Variants in NAA60 observed in about 807,000 individuals in gnomAD.
NAA60 encodes N-alpha-acetyltransferase 60.
A neutral mutation model predicts 26.1 loss-of-function variants in NAA60; 8 were observed. The observed-to-expected ratio is 0.31, with a 90% CI of 0.18 to 0.55. NAA60 has a LOEUF of 0.55. Ranked by LOEUF, NAA60 falls within the 20% of genes least tolerant of loss-of-function variation. NAA60 has a pLI of 0.93. For synonymous variants in NAA60, 131 were observed against 122.5 expected, an observed-to-expected ratio of 1.07 and a Z score of -0.46; for missense variants, 290 against 311.3, an observed-to-expected ratio of 0.93 and a Z score of 0.51.
intron 2 of NAA60, among the ~76,000 whole-genome samples, chr16:3,450,574 C>T (rs1383087254): frequency 6.6e-6 from 1 of 151,974 alleles, no homozygotes; most frequent in Non-Finnish European, 1.5e-5. Flanking sequence ...GTGGTGGGCA[C>T]CTGTGGTCCC....
chr16:3,472,239 C>G (rs1163260352), intron 2 of NAA60: 3 of 152,184 alleles, frequency 2.0e-5, no homozygotes, highest in Non-Finnish European at 4.4e-5. Flanking sequence ...CCCAGGGATA[C>G]AAGATCCCGT....
At chr16:3,447,746 C>A in intron 1 of NAA60, 2 of 476,556 alleles carry the variant, frequency 4.2e-6, no homozygotes, top group Non-Finnish European at 5.5e-6. Context: ...ACAATGGCTG[C>A]AAGTCATGCC....
chr16:3,461,595 C>T (rs541480553), intron 2 of NAA60, among the ~76,000 whole-genome samples: 1 of 152,072 alleles, frequency 6.6e-6, no homozygotes, highest in Non-Finnish European at 1.5e-5. Flanking sequence ...TCCATTTTGC[C>T]CCAAAATGGA....
intron 2 of NAA60, chr16:3,458,313 G>T (rs1048089933): frequency 6.3e-6 from 3 of 473,866 alleles, no homozygotes; most frequent in Non-Finnish European, 8.3e-6. Flanking sequence ...GGTGAGGCAG[G>T]CCCGGCCGCG....
chr16:3,473,414 C>G (rs1432199170), intron 2 of NAA60, among the ~76,000 whole-genome samples: 1 of 152,054 alleles, frequency 6.6e-6, no homozygotes, highest in Non-Finnish European at 1.5e-5. Context: ...AAAGGGAAAC[C>G]CCTTATAAAA....
At chr16:3,474,747 G>T (rs1245264332) in intron 2 of NAA60, among the ~76,000 whole-genome samples, 1 of 152,232 alleles carries the variant, frequency 6.6e-6, no homozygotes, top group Non-Finnish European at 1.5e-5. Flanking sequence ...GGATTTCACG[G>T]CCTTTCCTGA....
chr16:3,484,982 C>T lies in NAA60; in HGVS notation c.*127C>T, dbSNP rs1472698688. The T allele has an allele frequency of 1.3e-6, 2 of 1,528,358 alleles. No homozygotes were observed. Among genetic ancestry groups the T allele is most frequent in the Admixed American group, 3.9e-5 (2 of 50,754 alleles). 94.7% of individuals were successfully genotyped at this position (1,528,358 alleles called of 1,614,324 possible). On this transcript the variant is annotated 3_prime_UTR_variant, in exon 7 of 8. Transcript: ENST00000407558. ...CCATCTAACTGGGCTCGTCGGCCTG[C>T]CCCAGCTGCAGGCCCGGTGCTACAC...
At chr16:3,458,965 G>C (rs1310013329) in intron 2 of NAA60, among the ~76,000 whole-genome samples, 4 of 152,182 alleles carry the variant, frequency 2.6e-5, no homozygotes, top group African/African-American at 9.7e-5. Context: ...ACAGGACCCA[G>C]GGTCTGGACA....
chr16:3,465,487 T>C (rs1201713782), intron 2 of NAA60, among the ~76,000 whole-genome samples: 1 of 152,128 alleles, frequency 6.6e-6, no homozygotes, highest in East Asian at 1.9e-4. Context: ...GAGTCGTCCT[T>C]CCGGCTGCCC....
intron 3 of NAA60, among the ~76,000 whole-genome samples, chr16:3,477,461 T>A (rs2036550558): frequency 6.6e-6 from 1 of 152,244 alleles, no homozygotes; most frequent in Non-Finnish European, 1.5e-5. Context: ...AAGCGGGAAC[T>A]GTCACAGTCC....
Position 3,448,552 on chromosome 16 carries a change from C to A in NAA60, c.-7+12C>A. 1 of 1,534,410 alleles carries A rather than the reference C, an allele frequency of 6.5e-7. No homozygotes were observed. Among genetic ancestry groups the A allele is most frequent in the Non-Finnish European group, 8.7e-7 (1 of 1,145,908 alleles). ...AAGAGCTCCAGAGAGTGAGTCAAAG[C>A]GCTCTGTGTCCTGCTATTAATGATG... is the stretch of plus-strand genomic sequence containing the variant. On this transcript the variant is annotated intron_variant, in intron 2 of 7. Transcript: ENST00000407558.
chr16:3,471,656 G>C (rs773087722), intron 2 of NAA60, among the ~76,000 whole-genome samples: 2 of 152,178 alleles, frequency 1.3e-5, no homozygotes, highest in South Asian at 2.1e-4. Flanking sequence ...GACCCGGGCT[G>C]TACCGGCTGG....
intron 1 of NAA60, chr16:3,447,354 T>C (rs1596278558): frequency 2.3e-6 from 1 of 431,524 alleles, no homozygotes; most frequent in East Asian, 1.6e-4. Context: ...ATGTGGTACA[T>C]GAAATATTTT....
At chr16:3,448,781 A>G (rs556820613) in intron 2 of NAA60, 102 of 405,182 alleles carry the variant, frequency 2.5e-4, no homozygotes, top group African/African-American at 1.9e-3. Flanking sequence ...TCTTTAAACT[A>G]TAAAGAAGTA....
chr16:3,476,729 A>G (rs1482574894), intron 3 of NAA60, among the ~76,000 whole-genome samples: 2 of 152,198 alleles, frequency 1.3e-5, no homozygotes, highest in Admixed American at 6.5e-5. Context: ...AAAACCTGTC[A>G]AAGAGTTATA....
Position 3,485,957 on chromosome 16 carries a change from G to A in NAA60, c.*697G>A, listed in dbSNP as rs2037126849. On this transcript the variant is annotated 3_prime_UTR_variant, in exon 8 of 8. Coordinates refer to ENST00000407558, the MANE Select transcript of NAA60 (RefSeq NM_001083601.3). ...TTCCGTGCAGTTACCAGTGCCCTGG[G>A]AGGTCACACTGCCCGTCGGACCTTG... The A allele has an allele frequency of 3.3e-6, 1 of 300,838 alleles. No homozygotes were observed. The highest frequency in any genetic ancestry group is 2.2e-5 in the African/African-American group (1 of 45,230). The allele number at this position is 300,838 out of a possible 1,614,324, so 18.6% of individuals were successfully genotyped here.
At chr16:3,472,592 C>A (rs2036224513) in intron 2 of NAA60, among the ~76,000 whole-genome samples, 1 of 152,020 alleles carries the variant, frequency 6.6e-6, no homozygotes, top group Non-Finnish European at 1.5e-5. Context: ...GCCACTGCGC[C>A]CAGCTAATTT....
intron 2 of NAA60, among the ~76,000 whole-genome samples, chr16:3,465,573 A>T (rs917162719): frequency 6.6e-6 from 1 of 152,088 alleles, no homozygotes; most frequent in Non-Finnish European, 1.5e-5. Flanking sequence ...TAGTACAGCA[A>T]CCTCAGACAG....
intron 2 of NAA60, among the ~76,000 whole-genome samples, chr16:3,463,876 G>T (rs1487134997): frequency 3.3e-5 from 5 of 152,058 alleles, no homozygotes; most frequent in Non-Finnish European, 7.3e-5. Context: ...TCGTCATTTT[G>T]ACATACAACA....
Sources: gnomAD v4.1 joint callset for allele counts (sites outside exome capture counted in the v4.1 genomes callset) on GRCh38, gnomAD v4.1.1 for gene constraint, MANE v1.5 for transcripts, NCBI Gene and HGNC (gene_info 2026-07-23, HGNC 2026-07-21) for gene names.